DZIP1: variants seen among roughly 807,000 people sequenced by gnomAD.
DZIP1 encodes the protein DAZ interacting zinc finger protein 1.
DZIP1 carries 97 observed loss-of-function variants against 107.6 expected under a neutral mutation model. The observed-to-expected ratio is 0.90, with a 90% confidence interval of 0.77 to 1.07. The LOEUF is 1.07. DZIP1 is among the 50% of genes least tolerant of loss of function. The pLI is 0.00. For missense variants in DZIP1, 1,035 were observed against 1,063.6 expected, an observed-to-expected ratio of 0.97 and a Z score of 0.37; for synonymous variants, 390 against 386.4, an observed-to-expected ratio of 1.01 and a Z score of -0.11.
chr13:95,583,220 A>AGTT (rs1288575339), intron 22 of DZIP1, among the ~76,000 whole-genome samples: 1 of 151,266 alleles, frequency 6.6e-6, no homozygotes, highest in East Asian at 1.9e-4. Flanking sequence ...TGAGCCCAGG[A>AGTT]GTTTGACACC....
At position 95,587,643 on chromosome 13, in the gene DZIP1, G is replaced by T; in HGVS notation, c.2114C>A (p.Pro705Gln). 2 of 1,614,162 alleles carry T rather than the reference G, an allele frequency of 1.2e-6. No homozygotes were observed. Among genetic ancestry groups the T allele is most frequent in the African/African-American group, 2.7e-5 (2 of 75,020 alleles). The stretch of plus-strand genomic sequence containing the variant: ...CCCGAAGCTGCCCTTGTTTTGTGGT[G>T]GCGGCACAGGAAGTGGGCCTGGGGA... ...YASPGPLPVP[P>Q]PQNKGSFGKN... The change falls in exon 20 of 23, where the codon CCA becomes CAA. Residue 705 changes from proline to glutamine, a missense_variant. By Grantham distance (76) the Pro-to-Gln change is moderately conservative. Transcript: ENST00000376829.
intron 12 of DZIP1, 96 bp downstream of exon 12, chr13:95,611,349 T>C: frequency 1.1e-6 from 1 of 894,326 alleles, no homozygotes; most frequent in South Asian, 1.4e-5. Context: ...AATGCCATCT[T>C]AGCACACATA....
chr13:95,591,932 A>C (rs2044321726), intron 16 of DZIP1, among the ~76,000 whole-genome samples: 2 of 152,232 alleles, frequency 1.3e-5, no homozygotes, highest in Admixed American at 1.3e-4. Context: ...CATGGCCTAT[A>C]AAAGATATTA....
intron 22 of DZIP1, 140 bp from the exon 23 acceptor site, chr13:95,582,453 C>G: frequency 1.4e-6 from 1 of 725,786 alleles, no homozygotes; most frequent in Non-Finnish European, 2.3e-6. Context: ...ATCTCCCAAC[C>G]CTCATGAGCT....
chr13:95,599,369 T>C lies in DZIP1; in HGVS notation c.1533A>G (p.Glu511=), dbSNP rs1437643151. 6.2e-7 allele frequency: 1 copy of C among 1,613,648 alleles called. No homozygotes were observed. Among genetic ancestry groups the C allele is most frequent in the South Asian group, 1.1e-5 (1 of 91,068 alleles). Residue 511 remains glutamate, a synonymous_variant, in exon 15 of 23, where the codon GAA becomes GAG. Coordinates refer to ENST00000376829, the MANE Select transcript of DZIP1 (RefSeq NM_198968.4). ...CCTGATCAAGCCCTTTGTTACCTTTTTCTTCCTCTGAAAGTTCTTCTATTG... is the reference window on the plus strand; with the variant it reads ...CCTGATCAAGCCCTTTGTTACCTTTCTCTTCCTCTGAAAGTTCTTCTATTG... The part of the protein sequence containing the change: ...LEPIEELSEE[E]KGRENEQKLN...
intron 6 of DZIP1, among the ~76,000 whole-genome samples, chr13:95,632,066 G>A (rs574007449): frequency 8.5e-5 from 13 of 152,268 alleles, no homozygotes; most frequent in African/African-American, 2.9e-4. Flanking sequence ...AGCTTTGCTA[G>A]AGACTATTCC....
intron 5 of DZIP1, among the ~76,000 whole-genome samples, chr13:95,634,894 G>C (rs1053277129): frequency 6.6e-6 from 1 of 151,924 alleles, no homozygotes; most frequent in African/African-American, 2.4e-5. Context: ...GTTTGTTTTG[G>C]AATAATTATT....
At position 95,590,327 on chromosome 13, in the gene DZIP1, C is replaced by T. The variant is rs757322222; in HGVS notation, c.1795G>A (p.Glu599Lys). 6.2e-7 allele frequency: 1 copy of T among 1,613,870 alleles called. No individual in the cohort carries two copies. The highest frequency in any genetic ancestry group is 2.2e-5 in the East Asian group (1 of 44,874). Residue 599 changes from glutamate to lysine, a missense_variant, in exon 17 of 23, where the codon GAA becomes AAA. Coordinates refer to ENST00000376829, the MANE Select transcript of DZIP1 (RefSeq NM_198968.4). ...TCAATTTTACAGCTGACTTGATGTT[C>T]AAGGAATTCTCGAATTTGATGAAAG... ...PNFHQIREFL[E>K]HQVSCKIEEK...
intron 22 of DZIP1, 35 bp from the exon 23 acceptor site, chr13:95,582,348 T>C: frequency 3.2e-6 from 5 of 1,541,432 alleles, no homozygotes; most frequent in Non-Finnish European, 4.5e-6. Context: ...AGAGAAGGCC[T>C]CAATGGTTAA....
chr13:95,609,501 G>A lies in DZIP1; in HGVS notation c.1376C>T (p.Ala459Val). The change falls in exon 13 of 23, where the codon GCC becomes GTC. Residue 459 changes from alanine to valine, a missense_variant. By Grantham distance (64) the Ala-to-Val change is moderately conservative. Coordinates refer to ENST00000376829, the MANE Select transcript of DZIP1 (RefSeq NM_198968.4). ...TGGCTGAGATTCAAAAGCCTGCCAG[G>A]CTAAAGGATTTCCTGAAATGACAGA... Reference protein sequence around the residue: ...SISEPKGNPLAWQAFESQPAA... With the variant: ...SISEPKGNPLVWQAFESQPAA... 1.3e-6 allele frequency: 2 copies of A among 1,584,428 alleles called. No homozygotes were observed. Among genetic ancestry groups the A allele is most frequent in the Non-Finnish European group, 1.7e-6 (2 of 1,166,304 alleles).
chr13:95,606,953 C>T (rs1009781589), intron 13 of DZIP1, among the ~76,000 whole-genome samples: 1 of 152,180 alleles, frequency 6.6e-6, no homozygotes, highest in African/African-American at 2.4e-5. Context: ...ACAGTATGGT[C>T]TATTAGTTTA....
At chr13:95,635,198 CTTT>C (rs141715380) in intron 5 of DZIP1, among the ~76,000 whole-genome samples, 1,647 of 133,346 alleles carry the variant, frequency 0.012, 14 homozygotes, top group East Asian at 0.027. Context: ...TGCATATTTC[CTTT>C]TTTTTTTTTT....
chr13:95,642,172 G>C lies in DZIP1; in HGVS notation c.-143C>G. On this transcript the variant is annotated 5_prime_UTR_variant, in exon 4 of 23. Coordinates refer to ENST00000376829, the MANE Select transcript of DZIP1 (RefSeq NM_198968.4). ...TCTGGGCGTCCAGGACGTTGCTATA[G>C]CAGCGCCCAGGTCCGGACCTGGAGC... 3 of 1,140,932 alleles carry C rather than the reference G, an allele frequency of 2.6e-6. No individual in the cohort carries two copies. The South Asian group carries it at 5.7e-5, about 22-fold the overall frequency. 70.7% of individuals were successfully genotyped at this position (1,140,932 alleles called of 1,614,324 possible).
Position 95,637,603 on chromosome 13 carries a change from G to A in DZIP1, c.597+3692C>T, listed in dbSNP as rs1054997426. On this transcript the variant is annotated intron_variant, in intron 5 of 22. Transcript: ENST00000376829. ...AAAAGAAAAAGAGAGAGACATTAGC[G>A]ATCTCTCTCTCTCTCTCTCTCTCTC... Among the ~76,000 whole-genome samples, 6 of 47,404 alleles carry A rather than the reference G, an allele frequency of 1.3e-4. No homozygotes were observed. In the Admixed American group the frequency reaches 1.5e-3, roughly 12 times the overall value. 31.1% of individuals were successfully genotyped at this position (47,404 alleles called of 152,430 possible).
chr13:95,637,418 A>G (rs1001994461), intron 5 of DZIP1, among the ~76,000 whole-genome samples: 1 of 152,118 alleles, frequency 6.6e-6, no homozygotes, highest in Non-Finnish European at 1.5e-5. Context: ...ATTAAGGTTA[A>G]ATAAGATCAT....
intron 21 of DZIP1, among the ~76,000 whole-genome samples, chr13:95,585,362 T>C (rs2044134008): frequency 6.6e-6 from 1 of 152,200 alleles, no homozygotes; most frequent in African/African-American, 2.4e-5. Flanking sequence ...AGAAAGATGC[T>C]TTTGCTCTCT....
intron 16 of DZIP1, among the ~76,000 whole-genome samples, chr13:95,590,825 CA>C (rs1261830313): frequency 6.6e-6 from 1 of 152,068 alleles, no homozygotes; most frequent in African/African-American, 2.4e-5. Context: ...GAGAAATTTC[CA>C]GATGGGTAGG....
chr13:95,644,006 C>T (rs1206197706), intron 1 of DZIP1, among the ~76,000 whole-genome samples: 1 of 152,160 alleles, frequency 6.6e-6, no homozygotes, highest in Admixed American at 6.5e-5. Context: ...GCTGACCACC[C>T]CTTTCCCCTT....
At chr13:95,594,175 T>A in intron 15 of DZIP1, 89 bp from the exon 16 acceptor site, 2 of 1,055,824 alleles carry the variant, frequency 1.9e-6, no homozygotes, top group Non-Finnish European at 2.7e-6. Context: ...CCACAGCTTT[T>A]AAGCAGCAAG....
Sources: allele counts gnomAD v4.1 joint callset (sites outside exome capture counted in the v4.1 genomes callset), GRCh38; gene constraint gnomAD v4.1.1; transcripts MANE v1.5; gene names NCBI Gene and HGNC (gene_info 2026-07-23, HGNC 2026-07-21).